SLC20A2: variants seen among roughly 807,000 people sequenced by gnomAD.
SLC20A2 encodes sodium-dependent phosphate transporter 2.
In SLC20A2, 30 loss-of-function variants were observed where a neutral mutation model predicts 61.0. The observed-to-expected ratio is 0.49, with a 90% confidence interval of 0.37 to 0.67. The LOEUF is 0.67. SLC20A2 is among the 30% of genes least tolerant of loss of function. The pLI is 0.00. For synonymous variants in SLC20A2, 351 were observed against 353.3 expected, an observed-to-expected ratio of 0.99 and a Z score of 0.07; for missense variants, 626 against 866.4, an observed-to-expected ratio of 0.72 and a Z score of 3.48.
At chr8:42,471,026 C>T (rs1184805388) in intron 2 of SLC20A2, 10 of 339,154 alleles carry the variant, frequency 2.9e-5, no homozygotes, top group South Asian at 4.8e-5. Context: ...ATAAAGAACT[C>T]GGGGGAATGT....
intron 1 of SLC20A2, among the ~76,000 whole-genome samples, chr8:42,483,618 TCTC>T (rs1184851659): frequency 6.6e-6 from 1 of 152,210 alleles, no homozygotes; most frequent in Admixed American, 6.5e-5. Context: ...TTCAACATTT[TCTC>T]CTTTCTTCCT....
chr8:42,486,092 T>C (rs1042301936), intron 1 of SLC20A2, among the ~76,000 whole-genome samples: 8 of 152,166 alleles, frequency 5.3e-5, no homozygotes, highest in African/African-American at 2.4e-5. Context: ...TGTAATTATA[T>C]TGTCTTTTAT....
chr8:42,529,487 C>T (rs1812196288), intron 1 of SLC20A2, among the ~76,000 whole-genome samples: 1 of 151,328 alleles, frequency 6.6e-6, no homozygotes, highest in Non-Finnish European at 1.5e-5. Flanking sequence ...ATGTCAAGAA[C>T]CTACTGAGGC....
At chr8:42,533,732 T>C (rs1213442073) in intron 1 of SLC20A2, among the ~76,000 whole-genome samples, 1 of 140,272 alleles carries the variant, frequency 7.1e-6, no homozygotes, top group Non-Finnish European at 1.5e-5. Flanking sequence ...TGATCTCAGC[T>C]CCCTGCAACC....
At chr8:42,522,839 A>G (rs1211625670) in intron 1 of SLC20A2, among the ~76,000 whole-genome samples, 1 of 117,100 alleles carries the variant, frequency 8.5e-6, no homozygotes, top group Non-Finnish European at 2.0e-5. Flanking sequence ...TGAGTAGCTA[A>G]GACTATAGGT....
intron 1 of SLC20A2, among the ~76,000 whole-genome samples, chr8:42,486,535 C>T (rs1809027141): frequency 6.6e-6 from 1 of 152,198 alleles, no homozygotes; most frequent in Admixed American, 6.5e-5. Flanking sequence ...TGGATGGAAT[C>T]TCTGTTATTT....
chr8:42,493,670 T>C (rs1360222439), intron 1 of SLC20A2, among the ~76,000 whole-genome samples: 2 of 152,222 alleles, frequency 1.3e-5, no homozygotes, highest in Non-Finnish European at 2.9e-5. Context: ...GATCAGATTA[T>C]AGAGTTTGTT....
At chr8:42,438,368 C>G (rs1804510957) in intron 7 of SLC20A2, among the ~76,000 whole-genome samples, 1 of 152,160 alleles carries the variant, frequency 6.6e-6, no homozygotes, top group Admixed American at 6.5e-5. Context: ...GGCTGGAGTG[C>G]AGTGGTGCAA....
chr8:42,538,453 A>G (rs1446382137), intron 1 of SLC20A2: 1 of 152,174 alleles, frequency 6.6e-6, no homozygotes, highest in East Asian at 1.9e-4. Flanking sequence ...GTTAATGTTC[A>G]AAGAATCATT....
chr8:42,511,809 TA>T (rs1013866967), intron 1 of SLC20A2, among the ~76,000 whole-genome samples: 21 of 152,000 alleles, frequency 1.4e-4, no homozygotes, highest in African/African-American at 5.1e-4. Flanking sequence ...GTATTTCATT[TA>T]AAAAGTACTA....
At position 42,441,516 on chromosome 8, in the gene SLC20A2, T is replaced by C. The variant is rs1804782796; in HGVS notation, c.731-1863A>G. The stretch of plus-strand genomic sequence containing the variant: ...ACAGAGTCTTACTCTGTTACCAGAC[T>C]GGAGTGCTGTGGCGCGATCTCGGAT... On this transcript the variant is annotated intron_variant, in intron 6 of 10. Transcript: ENST00000520262. 2.0e-5 allele frequency among the ~76,000 whole-genome samples: 3 copies of C among 151,384 alleles called. No individual in the cohort carries two copies. The South Asian group carries it at 6.2e-4, about 31-fold the overall frequency.
chr8:42,522,787 C>G lies in SLC20A2; in HGVS notation c.-265+19034G>C, dbSNP rs2131403835. On this transcript the variant is annotated intron_variant, in intron 1 of 10. Coordinates refer to the SLC20A2 transcript ENST00000342228. ...TGGTGCGAGCATGGCTCACTACACC[C>G]TTGAATTCCTGGGCCCAGGCGAGCC... Among the ~76,000 whole-genome samples, 2 of 60,216 alleles carry G rather than the reference C, an allele frequency of 3.3e-5. 1 individual carries two copies. Among genetic ancestry groups the G allele is most frequent in the East Asian group, 1.4e-3 (2 of 1,428 alleles). 39.5% of individuals were successfully genotyped at this position (60,216 alleles called of 152,430 possible).
chr8:42,489,791 G>T (rs1809377467), intron 1 of SLC20A2, among the ~76,000 whole-genome samples: 1 of 152,216 alleles, frequency 6.6e-6, no homozygotes, highest in Non-Finnish European at 1.5e-5. Flanking sequence ...CCTTGACCAT[G>T]GCTGTGTGTG....
chr8:42,508,776 G>C (rs1353950419), intron 1 of SLC20A2, among the ~76,000 whole-genome samples: 1 of 152,172 alleles, frequency 6.6e-6, no homozygotes, highest in African/African-American at 2.4e-5. Flanking sequence ...CAACACACAA[G>C]CAAAGATGGA....
chr8:42,502,475 G>A (rs1435807978), upstream of SLC20A2: 5 of 152,352 alleles, frequency 3.3e-5, no homozygotes, highest in South Asian at 2.1e-4. Context: ...AAAACATGGC[G>A]ATGCCCTCAG....
At chr8:42,539,821 C>G (rs557057658) in intron 1 of SLC20A2, among the ~76,000 whole-genome samples, 1 of 152,256 alleles carries the variant, frequency 6.6e-6, no homozygotes, top group East Asian at 1.9e-4. Flanking sequence ...AATAGAAACT[C>G]TGATAAATAA....
intron 6 of SLC20A2, among the ~76,000 whole-genome samples, chr8:42,440,964 C>G (rs1804730697): frequency 6.6e-6 from 1 of 151,980 alleles, no homozygotes. Flanking sequence ...CCACGCCCAG[C>G]TAATTTTTGT....
intron 1 of SLC20A2, among the ~76,000 whole-genome samples, chr8:42,490,189 T>C (rs1409203618): frequency 6.6e-6 from 1 of 152,174 alleles, no homozygotes; most frequent in Non-Finnish European, 1.5e-5. Context: ...ACAATAAAAA[T>C]ATAAACTTAA....
chr8:42,505,944 G>T (rs1479069727), upstream of SLC20A2, among the ~76,000 whole-genome samples: 1 of 143,606 alleles, frequency 7.0e-6, no homozygotes, highest in Non-Finnish European at 1.5e-5. Context: ...TCTTCAACTC[G>T]TTAAGAATTC....
Sources: gnomAD v4.1 joint callset for allele counts (sites outside exome capture counted in the v4.1 genomes callset) on GRCh38, gnomAD v4.1.1 for gene constraint, MANE v1.5 for transcripts, NCBI Gene and HGNC (gene_info 2026-07-23, HGNC 2026-07-21) for gene names.